The following SHISA9 variants were observed in gnomAD, a reference collection of about 807,000 sequenced individuals.
The protein encoded by SHISA9 is protein shisa-9.
A neutral mutation model predicts 38.0 loss-of-function variants in SHISA9; 13 were observed. The ratio of observed to expected loss-of-function variants is 0.34; its 90% CI spans 0.22 to 0.54. SHISA9 has a LOEUF of 0.54. Ranked by LOEUF, SHISA9 falls within the 20% of genes least tolerant of loss-of-function variation. SHISA9 has a pLI of 0.91. For synonymous variants in SHISA9, 275 were observed against 242.0 expected (o/e 1.14, Z -1.27); for missense variants, 538 against 575.8 (o/e 0.93, Z 0.67).
At chr16:13,084,661 A>C (rs1209635294) in intron 2 of SHISA9, among the ~76,000 whole-genome samples, 2 of 152,226 alleles carry the variant, frequency 1.3e-5, no homozygotes, top group Non-Finnish European at 2.9e-5. Context: ...GGTACGTGCT[A>C]TGAAGAGGTT....
At position 13,215,710 on chromosome 16, in the gene SHISA9, T is replaced by G. The variant is rs559741420; in HGVS notation, c.895+2410T>G. 2.0e-5 allele frequency among the ~76,000 whole-genome samples: 3 copies of G among 152,242 alleles called. No individual in the cohort carries two copies. The South Asian group carries it at 6.2e-4, about 32-fold the overall frequency. On this transcript the variant is annotated intron_variant, in intron 4 of 4. Coordinates refer to ENST00000558583, the MANE Select transcript of SHISA9 (RefSeq NM_001145204.3). Reference sequence around the variant, plus strand: ...CTTCACCTGTCCTGCTAAAGGCACCTTTATCCTGCCTTGTCGGGGGAGAGG... The same window carrying G: ...CTTCACCTGTCCTGCTAAAGGCACCGTTATCCTGCCTTGTCGGGGGAGAGG...
intron 2 of SHISA9, among the ~76,000 whole-genome samples, chr16:13,099,886 G>A (rs973019677): frequency 2.0e-5 from 3 of 152,140 alleles, no homozygotes; most frequent in Non-Finnish European, 4.4e-5. Flanking sequence ...GAAAAATCCA[G>A]GAGATTAGAG....
At chr16:13,529,837 G>A in the SHISA9 span, among the ~76,000 whole-genome samples, 1 of 152,212 alleles carries the variant, frequency 6.6e-6, no homozygotes, top group Non-Finnish European at 1.5e-5. Context: ...AGATGCTTGT[G>A]AGAGGCCAAT....
At chr16:13,505,250 C>T in the SHISA9 span, among the ~76,000 whole-genome samples, 2 of 152,208 alleles carry the variant, frequency 1.3e-5, no homozygotes, top group Non-Finnish European at 2.9e-5. Context: ...TCAAGTGGGC[C>T]TGGCATAAGA....
the SHISA9 span, among the ~76,000 whole-genome samples, chr16:13,500,508 A>G: frequency 6.6e-6 from 1 of 152,126 alleles, no homozygotes; most frequent in Non-Finnish European, 1.5e-5. Flanking sequence ...TGGGTCTTGT[A>G]GGATGATGGG....
chr16:12,935,586 G>A (rs917703882), intron 2 of SHISA9, among the ~76,000 whole-genome samples: 4 of 152,268 alleles, frequency 2.6e-5, no homozygotes, highest in South Asian at 2.1e-4. Flanking sequence ...AGGGGCTCAC[G>A]CTGGTAATCC....
intron 2 of SHISA9, among the ~76,000 whole-genome samples, chr16:13,086,847 T>C (rs1249995376): frequency 1.4e-5 from 2 of 139,380 alleles, no homozygotes; most frequent in African/African-American, 6.5e-5. Context: ...TTTCATCTGT[T>C]TTCTTTTTTA....
the SHISA9 span, among the ~76,000 whole-genome samples, chr16:13,546,070 T>A: frequency 6.6e-6 from 1 of 152,206 alleles, no homozygotes; most frequent in Non-Finnish European, 1.5e-5. Context: ...CTAGGCTCAC[T>A]AATTCAGCCC....
At chr16:13,088,910 CA>C (rs910298890) in intron 2 of SHISA9, among the ~76,000 whole-genome samples, 4 of 152,280 alleles carry the variant, frequency 2.6e-5, no homozygotes, top group Admixed American at 2.6e-4. Context: ...GGAATGCTTC[CA>C]CTTTTTGCCC....
chr16:13,175,233 G>T (rs1378655026), intron 2 of SHISA9, among the ~76,000 whole-genome samples: 1 of 151,762 alleles, frequency 6.6e-6, no homozygotes, highest in African/African-American at 2.4e-5. Context: ...AAAAAGAAAA[G>T]AAAAAATTAG....
chr16:13,037,099 C>CACAGACAGACAGACAG (rs1567190790), intron 2 of SHISA9, among the ~76,000 whole-genome samples: 1 of 71,800 alleles, frequency 1.4e-5, no homozygotes, highest in African/African-American at 6.2e-5. Flanking sequence ...CACACACACA[C>CACAGACAGACAGACAG]ACACACACAG....
chr16:13,263,767 T>C, the SHISA9 span, among the ~76,000 whole-genome samples: 1 of 152,190 alleles, frequency 6.6e-6, no homozygotes, highest in African/African-American at 2.4e-5. Context: ...TGGGTTTTAT[T>C]GTGTAGTATA....
chr16:13,090,616 A>G (rs1011545362), intron 2 of SHISA9, among the ~76,000 whole-genome samples: 1 of 151,716 alleles, frequency 6.6e-6, no homozygotes, highest in Admixed American at 6.6e-5. Flanking sequence ...AGAGGCTAGG[A>G]TTGCAACTCC....
At chr16:13,491,681 G>T in the SHISA9 span, among the ~76,000 whole-genome samples, 1 of 151,272 alleles carries the variant, frequency 6.6e-6, no homozygotes, top group Non-Finnish European at 1.5e-5. Flanking sequence ...GTAGAGTCGG[G>T]GTTTCATCAT....
chr16:13,019,387 G>A (rs938400133), intron 2 of SHISA9, among the ~76,000 whole-genome samples: 2 of 152,070 alleles, frequency 1.3e-5, no homozygotes, highest in Non-Finnish European at 2.9e-5. Flanking sequence ...AAGCCTTCCC[G>A]GCTTGCTGAA....
At chr16:12,959,608 G>A (rs1166676900) in intron 2 of SHISA9, among the ~76,000 whole-genome samples, 2 of 152,216 alleles carry the variant, frequency 1.3e-5, no homozygotes, top group African/African-American at 4.8e-5. Context: ...AAAAACCAGG[G>A]CGGAGAGAGA....
chr16:13,310,396 T>C, the SHISA9 span, among the ~76,000 whole-genome samples: 1 of 152,058 alleles, frequency 6.6e-6, no homozygotes, highest in Non-Finnish European at 1.5e-5. Flanking sequence ...GTTTAAGAAA[T>C]AAACCCCATG....
Position 13,238,715 on chromosome 16 carries a change from G to A in SHISA9, c.*3306G>A, listed in dbSNP as rs2051408663. ...TGGAAAGCTCAGGAAGTGCTTCATA[G>A]TTTATTATCTTCCAGTTGGTTTTGG... On this transcript the variant is annotated 3_prime_UTR_variant, in exon 5 of 5. Transcript: ENST00000558583. 6.6e-6 allele frequency: 1 copy of A among 151,746 alleles called. No homozygotes were observed. The highest frequency in any genetic ancestry group is 2.1e-4 in the South Asian group (1 of 4,800). The allele number at this position is 151,746 out of a possible 1,614,324, so 9.4% of individuals were successfully genotyped here. A position where few individuals can be genotyped will look rare whatever the true frequency, so the allele number is the denominator to read the frequency against.
At chr16:13,026,782 A>G (rs1267540610) in intron 2 of SHISA9, among the ~76,000 whole-genome samples, 3 of 152,198 alleles carry the variant, frequency 2.0e-5, no homozygotes, top group Non-Finnish European at 4.4e-5. Flanking sequence ...AAGACTACCT[A>G]TGTAATGCAG....
Sources: allele counts gnomAD v4.1 joint callset (sites outside exome capture counted in the v4.1 genomes callset), GRCh38; gene constraint gnomAD v4.1.1; transcripts MANE v1.5; gene names NCBI Gene and HGNC (gene_info 2026-07-23, HGNC 2026-07-21).